Variants in CNTNAP2 observed in about 807,000 individuals in gnomAD.
CNTNAP2 encodes contactin associated protein 2.
A neutral mutation model predicts 155.2 loss-of-function variants in CNTNAP2; 98 were observed. That is an observed-to-expected ratio of 0.63 (90% CI 0.54 to 0.75). The LOEUF is 0.75. CNTNAP2 is among the 30% of genes least tolerant of loss of function. CNTNAP2 has a pLI of 0.00. For synonymous variants in CNTNAP2, 651 were observed against 631.2 expected, an observed-to-expected ratio of 1.03 and a Z score of -0.47; for missense variants, 1,727 against 1,688.1, an observed-to-expected ratio of 1.02 and a Z score of -0.40.
chr7:148,189,218 A>G (rs1353978956), intron 18 of CNTNAP2, among the ~76,000 whole-genome samples: 3 of 152,206 alleles, frequency 2.0e-5, no homozygotes, highest in Admixed American at 1.3e-4. Flanking sequence ...ATAAGCTAAA[A>G]TGGTAACCTA....
chr7:148,209,551 C>G (rs1318890898), intron 18 of CNTNAP2, among the ~76,000 whole-genome samples: 3 of 152,098 alleles, frequency 2.0e-5, no homozygotes, highest in African/African-American at 7.2e-5. Context: ...TGTCTTAACA[C>G]TCTTTCCTTC....
At chr7:147,577,989 T>G (rs1462002755) in intron 12 of CNTNAP2, among the ~76,000 whole-genome samples, 1 of 152,122 alleles carries the variant, frequency 6.6e-6, no homozygotes. Context: ...TGATATTTGA[T>G]AGCAAAATGT....
At chr7:147,103,477 T>C (rs1800694222) in intron 4 of CNTNAP2, among the ~76,000 whole-genome samples, 1 of 152,172 alleles carries the variant, frequency 6.6e-6, no homozygotes, top group Non-Finnish European at 1.5e-5. Context: ...TGAAATGTAT[T>C]TCAAACTCTT....
chr7:146,176,373 G>C (rs114713085), intron 1 of CNTNAP2, among the ~76,000 whole-genome samples: 48 of 152,216 alleles, frequency 3.2e-4, no homozygotes, highest in African/African-American at 1.1e-3. Context: ...GACTGGAGGC[G>C]TAAAGGATAG....
At position 147,572,331 on chromosome 7, in the gene CNTNAP2, G is replaced by A. The variant is rs539078896; in HGVS notation, c.1897+10074G>A. 1.1e-4 allele frequency among the ~76,000 whole-genome samples: 17 copies of A among 150,460 alleles called. 1 individual carries two copies. The South Asian group carries it at 3.5e-3, about 31-fold the overall frequency. ...AAAAAAAAAGAGAGGAAAACCATGA[G>A]ATCCAGTGAGGCCTACACCACAGGA... On this transcript the variant is annotated intron_variant, in intron 12 of 23. Transcript: ENST00000361727.
intron 1 of CNTNAP2, among the ~76,000 whole-genome samples, chr7:146,475,827 C>G (rs17133782): frequency 0.1 from 15,744 of 152,086 alleles, 858 homozygotes; most frequent in African/African-American, 0.12. Context: ...TATTTTTGGC[C>G]AGGGAGTTGG....
intron 10 of CNTNAP2, among the ~76,000 whole-genome samples, chr7:147,430,278 C>T (rs1039092868): frequency 6.6e-6 from 1 of 152,156 alleles, no homozygotes; most frequent in Admixed American, 6.5e-5. Context: ...TATGAGGTCA[C>T]AGCCTAGGAA....
intron 15 of CNTNAP2, among the ~76,000 whole-genome samples, chr7:148,077,058 A>T (rs1803501144): frequency 6.6e-6 from 1 of 152,106 alleles, no homozygotes; most frequent in South Asian, 2.1e-4. Context: ...CTGTAATCCC[A>T]GCACTTTGGG....
intron 20 of CNTNAP2, among the ~76,000 whole-genome samples, chr7:148,260,959 A>C (rs1796548558): frequency 6.6e-6 from 1 of 152,232 alleles, no homozygotes. Context: ...GGAGATACTA[A>C]AGACAAGGGT....
intron 12 of CNTNAP2, among the ~76,000 whole-genome samples, chr7:147,588,361 A>G (rs892179269): frequency 1.3e-5 from 2 of 152,144 alleles, no homozygotes; most frequent in African/African-American, 4.8e-5. Flanking sequence ...GGGGTAGTCT[A>G]GAACAAACAT....
rs1268036184 is a variant in CNTNAP2 at position 146,836,244 on chromosome 7, T to A, written c.209-3467T>A. 3.9e-5 allele frequency among the ~76,000 whole-genome samples: 4 copies of A among 103,334 alleles called. No individual in the cohort carries two copies. In the South Asian group the frequency reaches 1.0e-3, roughly 26 times the overall value. The allele number at this position is 103,334 out of a possible 152,430, so 67.8% of individuals were successfully genotyped here. ...TAGTGAAAGGTACAGATTTTAAATT[T>A]GTATTTTTTTTTAAGAGATTAATCT... On this transcript the variant is annotated intron_variant, in intron 2 of 23. Coordinates refer to ENST00000361727, the MANE Select transcript of CNTNAP2 (RefSeq NM_014141.6).
At chr7:147,961,350 T>C (rs1019641421) in intron 14 of CNTNAP2, among the ~76,000 whole-genome samples, 2 of 152,180 alleles carry the variant, frequency 1.3e-5, no homozygotes, top group African/African-American at 4.8e-5. Context: ...AGTAGGAATC[T>C]CTTGTATGCT....
intron 13 of CNTNAP2, among the ~76,000 whole-genome samples, chr7:147,721,774 C>T (rs2117028303): frequency 6.6e-6 from 1 of 152,156 alleles, no homozygotes; most frequent in East Asian, 1.9e-4. Flanking sequence ...TCATAGTGCC[C>T]TATTAAATTG....
chr7:147,503,129 C>T (rs1268672622), intron 11 of CNTNAP2, among the ~76,000 whole-genome samples: 1 of 152,068 alleles, frequency 6.6e-6, no homozygotes, highest in African/African-American at 2.4e-5. Flanking sequence ...GCTGGCAAGC[C>T]CACGCTCCCC....
chr7:147,053,613 T>C (rs1799509972), intron 4 of CNTNAP2, among the ~76,000 whole-genome samples: 1 of 152,216 alleles, frequency 6.6e-6, no homozygotes, highest in East Asian at 1.9e-4. Flanking sequence ...CAAATTAAAA[T>C]TTCTGGCAGA....
chr7:147,392,965 C>G (rs1261719108), intron 9 of CNTNAP2, among the ~76,000 whole-genome samples: 1 of 151,990 alleles, frequency 6.6e-6, no homozygotes. Context: ...AAATTAATTT[C>G]AAACAATGAT....
rs140269820 is a variant in CNTNAP2 at position 146,559,237 on chromosome 7, C to T, written c.98-215034C>T. ...TACACACACACACACATATATATCACATTGTACCCCATAAATGTATATAAT... is the reference window on the plus strand; with the variant it reads ...TACACACACACACACATATATATCATATTGTACCCCATAAATGTATATAAT... On this transcript the variant is annotated intron_variant, in intron 1 of 23. Coordinates refer to ENST00000361727, the MANE Select transcript of CNTNAP2 (RefSeq NM_014141.6). 7.0e-3 allele frequency among the ~76,000 whole-genome samples: 1,058 copies of T among 152,102 alleles called. 17 individuals are homozygous for T. Among genetic ancestry groups the T allele is most frequent in the African/African-American group, 0.024 (1,003 of 41,486 alleles).
chr7:146,478,831 C>T (rs1178020968), intron 1 of CNTNAP2, among the ~76,000 whole-genome samples: 1 of 152,088 alleles, frequency 6.6e-6, no homozygotes, highest in Non-Finnish European at 1.5e-5. Flanking sequence ...GGAGAGTTTT[C>T]TATTAACATG....
At chr7:147,383,928 A>C (rs2116936438) in intron 9 of CNTNAP2, among the ~76,000 whole-genome samples, 1 of 152,294 alleles carries the variant, frequency 6.6e-6, no homozygotes, top group South Asian at 2.1e-4. Context: ...AGATAATTAT[A>C]AATTGTGACA....
Sources: allele counts gnomAD v4.1 joint callset (sites outside exome capture counted in the v4.1 genomes callset), GRCh38; gene constraint gnomAD v4.1.1; transcripts MANE v1.5; gene names NCBI Gene and HGNC (gene_info 2026-07-23, HGNC 2026-07-21).